FYB2: variants seen among roughly 807,000 people sequenced by gnomAD.
FYB2 encodes FYN binding protein 2, also known as FYN-binding protein 2.
In FYB2, 103 loss-of-function variants were observed where a neutral mutation model predicts 94.1. The ratio of observed to expected loss-of-function variants is 1.09; its 90% confidence interval spans 0.93 to 1.29. The LOEUF is 1.29. Among genes scored for constraint, FYB2 ranks in the 50% most tolerant of loss-of-function variants. The pLI is 0.00. For missense variants in FYB2, 896 were observed against 841.5 expected, an observed-to-expected ratio of 1.06 and a Z score of -0.80; for synonymous variants, 293 against 287.9, an observed-to-expected ratio of 1.02 and a Z score of -0.18.
intron 1 of FYB2, among the ~76,000 whole-genome samples, chr1:56,796,083 G>C (rs1318877806): frequency 6.6e-6 from 1 of 152,170 alleles, no homozygotes; most frequent in African/African-American, 2.4e-5. Flanking sequence ...AATAGTGACT[G>C]GGTGTCTACC....
At chr1:56,783,832 T>C (rs187312057) in intron 4 of FYB2, among the ~76,000 whole-genome samples, 59 of 152,236 alleles carry the variant, frequency 3.9e-4, no homozygotes, top group Admixed American at 2.6e-3. Flanking sequence ...TGAAGAAAAA[T>C]ATAAGGCTCT....
Position 56,819,366 on chromosome 1 carries a change from T to C in FYB2, c.-76A>G. ...GGGTCCTGGGGCCAACAATCCGCTT[T>C]CCTCTGTCTCTGCTAGCCAGGGAGC... On this transcript the variant is annotated 5_prime_UTR_variant, in exon 1 of 20. Coordinates refer to ENST00000343433, the MANE Select transcript of FYB2 (RefSeq NM_001004303.5). 6.3e-7 allele frequency: 1 copy of C among 1,589,106 alleles called. No individual in the cohort carries two copies. Among genetic ancestry groups the C allele is most frequent in the Non-Finnish European group, 8.6e-7 (1 of 1,158,764 alleles).
At chr1:56,798,137 T>C (rs1646442449) in intron 1 of FYB2, among the ~76,000 whole-genome samples, 1 of 152,216 alleles carries the variant, frequency 6.6e-6, no homozygotes, top group Non-Finnish European at 1.5e-5. Flanking sequence ...AAAAGTTAGC[T>C]GGTTCACATA....
At chr1:56,825,836 T>G in the FYB2 span, among the ~76,000 whole-genome samples, 1 of 152,294 alleles carries the variant, frequency 6.6e-6, no homozygotes, top group South Asian at 2.1e-4. Context: ...CATTTCTCCC[T>G]TGGGTGTTTC....
intron 16 of FYB2, 115 bp from the exon 17 acceptor site, chr1:56,723,796 T>C: frequency 3.2e-6 from 2 of 621,808 alleles, no homozygotes; most frequent in Non-Finnish European, 5.6e-6. Context: ...TTTGTGATCA[T>C]AATTTTATAT....
At chr1:56,783,572 G>A (rs1363725923) in intron 4 of FYB2, among the ~76,000 whole-genome samples, 6 of 151,890 alleles carry the variant, frequency 4.0e-5, no homozygotes, top group African/African-American at 1.5e-4. Context: ...ATAAAGAGGG[G>A]GTAAATATGA....
At chr1:56,777,239 CAAAAAAA>C (rs1453236717) in intron 4 of FYB2, among the ~76,000 whole-genome samples, 5 of 4,794 alleles carry the variant, frequency 1.0e-3, no homozygotes, top group Non-Finnish European at 1.3e-3. Flanking sequence ...GTCTCAAAAA[CAAAAAAA>C]AAAAAAAAAA....
At position 56,753,803 on chromosome 1, in the gene FYB2, T is replaced by C. The variant is rs200169534; in HGVS notation, c.1227+36A>G. On this transcript the variant is annotated intron_variant, in intron 8 of 19. Coordinates refer to ENST00000343433, the MANE Select transcript of FYB2 (RefSeq NM_001004303.5). Reference sequence around the variant, plus strand: ...GTCACCCCCATGAACTGATCTGTTATATGTCTAAACTGCAGGAACCGTAGA... The same window carrying C: ...GTCACCCCCATGAACTGATCTGTTACATGTCTAAACTGCAGGAACCGTAGA... The C allele has an allele frequency of 4.8e-5, 70 of 1,450,566 alleles. 1 individual carries two copies. The highest frequency in any genetic ancestry group is 2.4e-4 in the Admixed American group (14 of 59,340). The allele number at this position is 1,450,566 out of a possible 1,614,324, so 89.9% of individuals were successfully genotyped here.
chr1:56,802,809 T>C (rs1257302891), intron 1 of FYB2, among the ~76,000 whole-genome samples: 1 of 152,204 alleles, frequency 6.6e-6, no homozygotes, highest in Non-Finnish European at 1.5e-5. Flanking sequence ...TGCATGTGCC[T>C]ACACTCCTTG....
chr1:56,814,255 G>A (rs1386472149), intron 1 of FYB2, among the ~76,000 whole-genome samples: 8 of 152,164 alleles, frequency 5.3e-5, no homozygotes, highest in African/African-American at 9.7e-5. Context: ...AGAGTGCCTC[G>A]GCTTTATCAT....
At chr1:56,773,840 A>G (rs2100850154) in intron 4 of FYB2, among the ~76,000 whole-genome samples, 1 of 152,278 alleles carries the variant, frequency 6.6e-6, no homozygotes, top group South Asian at 2.1e-4. Context: ...CTTAGTCAGC[A>G]TTTGCTCTGT....
In FYB2 at chr1:56,813,420, T is replaced by A. The variant is rs187197971; in HGVS notation, c.9+5862A>T. Among the ~76,000 whole-genome samples the A allele has an allele frequency of 2.2e-3, 329 of 152,196 alleles. 1 individual carries two copies. The highest frequency in any genetic ancestry group is 7.6e-3 in the African/African-American group (317 of 41,518). On this transcript the variant is annotated intron_variant, in intron 1 of 19. Transcript: ENST00000343433. ...CCTTTTATAAAACCATCAGCTCTCATGAGACTTATTCACTATCACGAGAAC... is the reference window on the plus strand; with the variant it reads ...CCTTTTATAAAACCATCAGCTCTCAAGAGACTTATTCACTATCACGAGAAC...
At chr1:56,822,790 A>G (rs1029619195), upstream of FYB2, among the ~76,000 whole-genome samples, 1 of 151,358 alleles carries the variant, frequency 6.6e-6, no homozygotes, top group African/African-American at 2.4e-5. Context: ...TGAAAATGGG[A>G]AATCACGTGT....
intron 4 of FYB2, among the ~76,000 whole-genome samples, chr1:56,784,601 A>T (rs1026603332): frequency 6.6e-6 from 1 of 152,050 alleles, no homozygotes; most frequent in Admixed American, 6.6e-5. Context: ...TTAGGATCCA[A>T]CCTCATCTCT....
chr1:56,768,899 A>T (rs545405690), intron 4 of FYB2, among the ~76,000 whole-genome samples: 1 of 152,336 alleles, frequency 6.6e-6, no homozygotes, highest in Admixed American at 6.5e-5. Context: ...GACTGAGGGA[A>T]AAGAATGCCC....
chr1:56,817,098 A>T, intron 1 of FYB2, among the ~76,000 whole-genome samples: 1 of 152,120 alleles, frequency 6.6e-6, no homozygotes, highest in Non-Finnish European at 1.5e-5. Context: ...TGTAAGCTGG[A>T]TTGCGTCATT....
Position 56,792,424 on chromosome 1 carries a change from A to C in FYB2, c.389T>G (p.Val130Gly). 1 of 1,614,162 alleles carries C rather than the reference A, an allele frequency of 6.2e-7. No individual in the cohort carries two copies. Among genetic ancestry groups the C allele is most frequent in the Non-Finnish European group, 8.5e-7 (1 of 1,180,032 alleles). Residue 130 changes from valine (V) to glycine (G), a missense_variant, in exon 2 of 20, where the codon GTA (valine) becomes GGA (glycine). Physicochemically the swap from Val to Gly is moderately radical, Grantham distance 109 (BLOSUM62 -3). Coordinates refer to ENST00000343433, the MANE Select transcript of FYB2 (RefSeq NM_001004303.5). ...GTTTCTGAAGCTATTGGCCACCATT[A>C]CTTTTTCCTTAGTGATTATCTCAAC... ...SNVEIITKEK[V>G]MVANSFRNKL...
intron 4 of FYB2, among the ~76,000 whole-genome samples, chr1:56,786,660 C>T (rs1646138906): frequency 6.6e-6 from 1 of 152,142 alleles, no homozygotes; most frequent in African/African-American, 2.4e-5. Flanking sequence ...AGCAACTGTG[C>T]AGCCCTCTTG....
chr1:56,753,808 C>G lies in FYB2; in HGVS notation c.1227+31G>C, dbSNP rs375582425. On this transcript the variant is annotated intron_variant, in intron 8 of 19. Transcript: ENST00000343433. ...CCCCATGAACTGATCTGTTATATGT[C>G]TAAACTGCAGGAACCGTAGAACATA... 1.3e-4 allele frequency: 195 copies of G among 1,500,380 alleles called. 1 individual carries two copies. In the African/African-American group the frequency reaches 2.6e-3, roughly 20 times the overall value. The allele number at this position is 1,500,380 out of a possible 1,614,324, so 92.9% of individuals were successfully genotyped here. A position where few individuals can be genotyped will look rare whatever the true frequency, so the allele number is the denominator to read the frequency against.
Sources: allele counts gnomAD v4.1 joint callset (sites outside exome capture counted in the v4.1 genomes callset), GRCh38; gene constraint gnomAD v4.1.1; transcripts MANE v1.5; gene names NCBI Gene and HGNC (gene_info 2026-07-23, HGNC 2026-07-21).